The following GLI2 variants were observed in gnomAD, a reference collection of about 807,000 sequenced individuals.
GLI2 encodes transcription activator GLI2.
Under a neutral mutation model 78.9 loss-of-function variants are expected in GLI2, and 22 were observed. The ratio of observed to expected loss-of-function variants is 0.28; its 90% CI spans 0.20 to 0.40. The LOEUF is 0.40. Ranked by LOEUF, GLI2 falls within the 10% of genes least tolerant of loss-of-function variation. The pLI, the probability that GLI2 is intolerant of heterozygous loss-of-function variation, is 1.00. For synonymous variants in GLI2, 974 were observed against 963.7 expected (o/e 1.01, Z -0.20); for missense variants, 2,097 against 2,213.2 (o/e 0.95, Z 1.05).
intron 1 of GLI2, among the ~76,000 whole-genome samples, chr2:120,736,937 T>A (rs1351979584): frequency 1.3e-5 from 2 of 151,348 alleles, no homozygotes; most frequent in East Asian, 3.9e-4. Flanking sequence ...CCGCTTGACT[T>A]CCCAAAGGGA....
chr2:120,805,209 T>A (rs1391868522), intron 2 of GLI2, among the ~76,000 whole-genome samples: 1 of 152,242 alleles, frequency 6.6e-6, no homozygotes, highest in African/African-American at 2.4e-5. Context: ...ACAGGTTTGT[T>A]CTCTGCTTCT....
At chr2:120,906,619 C>A (rs1000636739) in intron 2 of GLI2, among the ~76,000 whole-genome samples, 2 of 152,096 alleles carry the variant, frequency 1.3e-5, no homozygotes, top group Admixed American at 6.5e-5. Context: ...CAGCCTCCCA[C>A]CAAGAGCTGA....
rs1227562429 is a variant in GLI2 at position 120,735,885 on chromosome 2, G to A, written c.-431G>A. Among the ~76,000 whole-genome samples the A allele has an allele frequency of 6.6e-6, 1 of 151,990 alleles. No homozygotes were observed. The highest frequency in any genetic ancestry group is 2.4e-5 in the African/African-American group (1 of 41,400). Reference sequence around the variant, plus strand: ...CCGGCGGCGCTGATGGATTGCAGAAGTGCCGGCGCTTGCCAGCCGAGGCAG... The same window carrying A: ...CCGGCGGCGCTGATGGATTGCAGAAATGCCGGCGCTTGCCAGCCGAGGCAG... On this transcript the variant is annotated 5_prime_UTR_variant, in exon 1 of 14. In the 5' UTR this introduces an upstream ATG that the reference lacks. Coordinates refer to ENST00000361492, the MANE Select transcript of GLI2 (RefSeq NM_001374353.1).
At chr2:120,753,957 T>C (rs1422886014) in intron 1 of GLI2, among the ~76,000 whole-genome samples, 1 of 151,882 alleles carries the variant, frequency 6.6e-6, no homozygotes, top group Non-Finnish European at 1.5e-5. Context: ...GCTTCTCACA[T>C]GTTACAAACA....
At chr2:120,780,380 C>G (rs1436704328) in intron 1 of GLI2, among the ~76,000 whole-genome samples, 1 of 152,214 alleles carries the variant, frequency 6.6e-6, no homozygotes, top group Non-Finnish European at 1.5e-5. Flanking sequence ...ACCATCCCCA[C>G]TGAAATATAG....
chr2:120,848,615 G>A (rs531131190), intron 2 of GLI2, among the ~76,000 whole-genome samples: 2 of 152,342 alleles, frequency 1.3e-5, no homozygotes, highest in South Asian at 4.1e-4. Context: ...GGAGGAGAAA[G>A]AAGTCTCCTT....
chr2:120,746,975 T>G (rs1227728763), intron 1 of GLI2, among the ~76,000 whole-genome samples: 1 of 152,224 alleles, frequency 6.6e-6, no homozygotes, highest in Non-Finnish European at 1.5e-5. Flanking sequence ...TGTCTGCCTC[T>G]CTCGTATTTT....
intron 2 of GLI2, among the ~76,000 whole-genome samples, chr2:120,902,237 G>T (rs965633126): frequency 7.9e-6 from 1 of 126,356 alleles, no homozygotes. Flanking sequence ...AAAGCTGGTT[G>T]TTAACATGTG....
chr2:120,793,198 C>T (rs889144259), intron 1 of GLI2, among the ~76,000 whole-genome samples: 1 of 152,234 alleles, frequency 6.6e-6, no homozygotes, highest in Admixed American at 6.5e-5. Flanking sequence ...GGCCCTGGGT[C>T]CCGGGTGCCC....
chr2:120,909,732 G>A (rs1678721289), intron 2 of GLI2, among the ~76,000 whole-genome samples: 2 of 152,288 alleles, frequency 1.3e-5, no homozygotes. Flanking sequence ...GGGAGTGGTG[G>A]TGGGCGCCTG....
intron 2 of GLI2, among the ~76,000 whole-genome samples, chr2:120,876,819 G>A (rs1688774179): frequency 6.6e-6 from 1 of 152,220 alleles, no homozygotes; most frequent in South Asian, 2.1e-4. Flanking sequence ...GGCTCATTCT[G>A]AAAAGGCAGA....
chr2:120,784,374 C>T (rs1229933226), intron 1 of GLI2, among the ~76,000 whole-genome samples: 2 of 152,138 alleles, frequency 1.3e-5, no homozygotes, highest in African/African-American at 4.8e-5. Flanking sequence ...CTTAGGAGTT[C>T]ATCAGACAGG....
intron 2 of GLI2, among the ~76,000 whole-genome samples, chr2:120,908,503 A>G (rs190545377): frequency 5.4e-4 from 82 of 152,224 alleles, no homozygotes; most frequent in Admixed American, 4.4e-3. Context: ...CCCTCTCAGC[A>G]CCTGAAAAGG....
intron 1 of GLI2, among the ~76,000 whole-genome samples, chr2:120,773,032 GGA>G (rs1311005368): frequency 6.6e-6 from 1 of 152,172 alleles, no homozygotes; most frequent in East Asian, 1.9e-4. Context: ...CCCATTGTGT[GGA>G]CATGCCGTGA....
At chr2:120,832,425 G>A (rs1174732060) in intron 2 of GLI2, among the ~76,000 whole-genome samples, 1 of 152,178 alleles carries the variant, frequency 6.6e-6, no homozygotes, top group African/African-American at 2.4e-5. Context: ...AGGGCCTGGG[G>A]CTGAGGCCCA....
intron 3 of GLI2, among the ~76,000 whole-genome samples, chr2:120,935,461 C>A (rs1429952724): frequency 6.6e-6 from 1 of 152,156 alleles, no homozygotes; most frequent in Non-Finnish European, 1.5e-5. Flanking sequence ...GCCCTGAGAC[C>A]CCATCAGGCA....
intron 2 of GLI2, among the ~76,000 whole-genome samples, chr2:120,836,860 T>C (rs2104567408): frequency 6.6e-6 from 1 of 152,360 alleles, no homozygotes; most frequent in South Asian, 2.1e-4. Flanking sequence ...CAAATTGCTC[T>C]CCAAAGTGGC....
At chr2:120,795,384 G>A (rs1207435169) in intron 1 of GLI2, among the ~76,000 whole-genome samples, 6 of 151,936 alleles carry the variant, frequency 3.9e-5, no homozygotes, top group Non-Finnish European at 8.8e-5. Context: ...TTAGCCGAGT[G>A]TGATGGCGCA....
intron 2 of GLI2, among the ~76,000 whole-genome samples, chr2:120,903,334 C>T (rs894358500): frequency 1.3e-5 from 2 of 151,410 alleles, no homozygotes; most frequent in South Asian, 2.1e-4. Context: ...CAGGCTTGGG[C>T]GACAGAGTGA....
Sources: gnomAD v4.1 joint callset for allele counts (sites outside exome capture counted in the v4.1 genomes callset) on GRCh38, gnomAD v4.1.1 for gene constraint, MANE v1.5 for transcripts, NCBI Gene and HGNC (gene_info 2026-07-23, HGNC 2026-07-21) for gene names.